RHOQ: variants seen among roughly 807,000 people sequenced by gnomAD.
The protein encoded by RHOQ is ras homolog family member Q, also known as rho-related GTP-binding protein RhoQ.
In RHOQ, 7 loss-of-function variants were observed where a neutral mutation model predicts 25.8. That is an observed-to-expected ratio of 0.27 (90% CI 0.15 to 0.51). The LOEUF is 0.51. RHOQ is among the 20% of genes least tolerant of loss of function. The pLI, the probability that RHOQ is intolerant of heterozygous loss-of-function variation, is 0.97. For missense variants in RHOQ, 165 were observed against 260.6 expected, an observed-to-expected ratio of 0.63 and a Z score of 2.53; for synonymous variants, 97 against 98.6, an observed-to-expected ratio of 0.98 and a Z score of 0.10.
intron 4 of RHOQ, among the ~76,000 whole-genome samples, chr2:46,579,871 A>G (rs1669284916): frequency 1.3e-5 from 2 of 150,822 alleles, no homozygotes. Flanking sequence ...CTGAAGTCGT[A>G]CTTGACCTTG....
intron 2 of RHOQ, among the ~76,000 whole-genome samples, chr2:46,551,329 T>C (rs1232068552): frequency 6.6e-6 from 1 of 152,132 alleles, no homozygotes; most frequent in Admixed American, 6.5e-5. Context: ...CTCCACCCGA[T>C]GTGTGCTGAA....
At chr2:46,545,735 T>C (rs1407355517) in intron 2 of RHOQ, among the ~76,000 whole-genome samples, 2 of 152,128 alleles carry the variant, frequency 1.3e-5, no homozygotes, top group Admixed American at 6.5e-5. Context: ...CGGGGTTGAT[T>C]GGATTGTTTG....
rs1461911241 is a variant in RHOQ at position 46,584,199 on chromosome 2, C to T, written c.*3116C>T. Among the ~76,000 whole-genome samples the T allele has an allele frequency of 2.6e-5, 4 of 152,122 alleles. No homozygotes were observed. Among genetic ancestry groups the T allele is most frequent in the Non-Finnish European group, 4.4e-5 (3 of 67,982 alleles). On this transcript the variant is annotated 3_prime_UTR_variant, in exon 5 of 5. Coordinates refer to ENST00000238738, the MANE Select transcript of RHOQ (RefSeq NM_012249.4). ...TGTCCCTTCTTAACACATGGGGTTA[C>T]AAATAAAATACTATGCATAGTTTAC...
At chr2:46,560,201 G>A (rs114561052) in intron 2 of RHOQ, among the ~76,000 whole-genome samples, 200 of 152,252 alleles carry the variant, frequency 1.3e-3, no homozygotes, top group African/African-American at 4.5e-3. Context: ...CTCATTGCTC[G>A]CTCCGAATTT....
rs780163139 is a variant in RHOQ, at chr2:46,551,318, A to ACTCCACC, written c.201+7508_201+7514dup. 3.6e-4 allele frequency among the ~76,000 whole-genome samples: 55 copies of ACTCCACC among 151,748 alleles called. No individual in the cohort carries two copies. In the South Asian group the frequency reaches 4.0e-3, roughly 11 times the overall value. On this transcript the variant is annotated intron_variant, in intron 2 of 4. Transcript: ENST00000238738. ...TCAGGCATGCAGCAGTGGCTCCTCTACTCCACCCGATGTGTGCTGAACACA... is the reference window on the plus strand; with the variant it reads ...TCAGGCATGCAGCAGTGGCTCCTCTACTCCACCCTCCACCCGATGTGTGCTGAACACA...
intron 2 of RHOQ, among the ~76,000 whole-genome samples, chr2:46,575,399 T>TCACACACACACACA (rs56002979): frequency 3.6e-5 from 5 of 138,228 alleles, no homozygotes; most frequent in Admixed American, 7.4e-5. Flanking sequence ...CTTTAAATCT[T>TCACACACACACACA]CACACACACA....
At chr2:46,568,247 C>G (rs1396536950) in intron 2 of RHOQ, 1 of 152,162 alleles carries the variant, frequency 6.6e-6, no homozygotes, top group African/African-American at 2.4e-5. Context: ...AAGAGACTGA[C>G]AAATCCAGTT....
intron 2 of RHOQ, among the ~76,000 whole-genome samples, chr2:46,547,208 G>C (rs945425355): frequency 2.6e-5 from 4 of 152,168 alleles, no homozygotes; most frequent in African/African-American, 7.2e-5. Context: ...CATGCATGTG[G>C]GCACTCATTG....
rs1669495026 is a variant in RHOQ at position 46,584,215 on chromosome 2, C to A, written c.*3132C>A. 6.6e-6 allele frequency among the ~76,000 whole-genome samples: 1 copy of A among 152,114 alleles called. No individual in the cohort carries two copies. The highest frequency in any genetic ancestry group is 2.4e-5 in the African/African-American group (1 of 41,432). On this transcript the variant is annotated 3_prime_UTR_variant, in exon 5 of 5. Coordinates refer to ENST00000238738, the MANE Select transcript of RHOQ (RefSeq NM_012249.4). ...ATGGGGTTACAAATAAAATACTATG[C>A]ATAGTTTACTATCTACGTAAAGCAC...
chr2:46,565,691 T>C (rs1668709508), intron 2 of RHOQ, among the ~76,000 whole-genome samples: 1 of 152,242 alleles, frequency 6.6e-6, no homozygotes, highest in African/African-American at 2.4e-5. Context: ...GCAAGCTACC[T>C]GCACAATGAC....
intron 2 of RHOQ, among the ~76,000 whole-genome samples, chr2:46,558,178 G>A (rs888110035): frequency 1.3e-5 from 2 of 152,136 alleles, no homozygotes; most frequent in East Asian, 1.9e-4. Flanking sequence ...AGCTGGGCTG[G>A]TGCCTCTTGC....
In RHOQ at chr2:46,581,712, G is replaced by A. The variant is rs1382019173; in HGVS notation, c.*629G>A. 2.9e-6 allele frequency: 4 copies of A among 1,386,792 alleles called. No homozygotes were observed. Among genetic ancestry groups the A allele is most frequent in the East Asian group, 2.7e-5 (1 of 37,232 alleles). 85.9% of individuals were successfully genotyped at this position (1,386,792 alleles called of 1,614,324 possible). A position where few individuals can be genotyped will look rare whatever the true frequency, so the allele number is the denominator to read the frequency against. On this transcript the variant is annotated 3_prime_UTR_variant, in exon 5 of 5. Transcript: ENST00000238738. ...TGCTTTCTTAAAGAATGCCAAAAGT[G>A]TAATAAGGTCATAACTGCATTTATC...
chr2:46,542,563 G>C lies in RHOQ; in HGVS notation c.-484G>C, dbSNP rs994333458. 6.8e-6 allele frequency: 1 copy of C among 147,686 alleles called. No individual in the cohort carries two copies. The highest frequency in any genetic ancestry group is 1.5e-5 in the Non-Finnish European group (1 of 66,528). The allele number at this position is 147,686 out of a possible 1,614,324, so 9.1% of individuals were successfully genotyped here. A position where few individuals can be genotyped will look rare whatever the true frequency, so the allele number is the denominator to read the frequency against. On this transcript the variant is annotated 5_prime_UTR_variant, in exon 1 of 5. Coordinates refer to ENST00000238738, the MANE Select transcript of RHOQ (RefSeq NM_012249.4). ...GGTGCGCCGGCAGGGCCGCGCGGCG[G>C]CAGCAGGCGGGGGCGCGTGGCGCGG...
chr2:46,578,914 GTA>G (rs1481135870), intron 4 of RHOQ, among the ~76,000 whole-genome samples: 1 of 151,914 alleles, frequency 6.6e-6, no homozygotes, highest in East Asian at 1.9e-4. Flanking sequence ...GTGTGTATAT[GTA>G]TATATAGAGA....
intron 2 of RHOQ, among the ~76,000 whole-genome samples, chr2:46,563,349 T>C (rs1668629425): frequency 2.6e-5 from 4 of 152,188 alleles, no homozygotes; most frequent in African/African-American, 7.2e-5. Flanking sequence ...AGGCTGATGG[T>C]GAAGAGTCAG....
At chr2:46,553,075 A>C (rs993381053) in intron 2 of RHOQ, among the ~76,000 whole-genome samples, 1 of 152,194 alleles carries the variant, frequency 6.6e-6, no homozygotes, top group African/African-American at 2.4e-5. Context: ...TAGACATCCA[A>C]ATTCTTAGGC....
intron 2 of RHOQ, among the ~76,000 whole-genome samples, chr2:46,563,996 A>G (rs1319065094): frequency 6.6e-6 from 1 of 151,844 alleles, no homozygotes; most frequent in Non-Finnish European, 1.5e-5. Context: ...CACGACATAA[A>G]TTTAACCATT....
At chr2:46,560,734 A>G (rs1668549932) in intron 2 of RHOQ, 1 of 428,444 alleles carries the variant, frequency 2.3e-6, no homozygotes, top group Non-Finnish European at 4.8e-6. Flanking sequence ...CTACTTTGCT[A>G]GACTTTGCGT....
At chr2:46,579,265 G>C (rs1322122813) in intron 4 of RHOQ, among the ~76,000 whole-genome samples, 1 of 152,020 alleles carries the variant, frequency 6.6e-6, no homozygotes, top group Non-Finnish European at 1.5e-5. Flanking sequence ...TTACCTCCTT[G>C]GTCCCTGGTT....
Sources: allele counts gnomAD v4.1 joint callset (sites outside exome capture counted in the v4.1 genomes callset), GRCh38; gene constraint gnomAD v4.1.1; transcripts MANE v1.5; gene names NCBI Gene and HGNC (gene_info 2026-07-23, HGNC 2026-07-21).